CCDC91: variants seen among roughly 807,000 people sequenced by gnomAD.
The protein encoded by CCDC91 is coiled-coil domain containing 91, also known as coiled-coil domain-containing protein 91.
CCDC91 carries 48 observed loss-of-function variants against 63.2 expected under a neutral mutation model. The observed-to-expected ratio is 0.76, with a 90% CI of 0.60 to 0.97. The LOEUF is 0.97. Ranked by LOEUF, CCDC91 falls within the 50% of genes least tolerant of loss-of-function variation. The pLI is 0.00. For synonymous variants in CCDC91, 167 were observed against 165.8 expected, an observed-to-expected ratio of 1.01 and a Z score of -0.06; for missense variants, 500 against 494.6, an observed-to-expected ratio of 1.01 and a Z score of -0.10.
At chr12:28,242,926 G>A (rs751172431) in intron 1 of CCDC91, among the ~76,000 whole-genome samples, 5 of 152,066 alleles carry the variant, frequency 3.3e-5, no homozygotes, top group Non-Finnish European at 7.4e-5. Context: ...CATGTAAGAG[G>A]TGTCTGCTTC....
rs536730711 is a variant in CCDC91, at chr12:28,226,925, C to T, written c.-14-30277C>T. Among the ~76,000 whole-genome samples the T allele has an allele frequency of 2.6e-5, 4 of 152,186 alleles. No homozygotes were observed. The South Asian group carries it at 8.3e-4, about 32-fold the overall frequency. ...CTTAAACTTTACTTGGTTTTGATGA[C>T]CTTGACAGTTTTGAGGAGTATTGGT... On this transcript the variant is annotated intron_variant, in intron 1 of 12. Transcript: ENST00000536442.
chr12:28,435,354 T>A (rs961001458), intron 8 of CCDC91, among the ~76,000 whole-genome samples: 1 of 151,698 alleles, frequency 6.6e-6, no homozygotes, highest in African/African-American at 2.4e-5. Context: ...TTGAGACATG[T>A]TTTTTATCCC....
At chr12:28,319,934 A>G (rs553907587) in intron 6 of CCDC91, among the ~76,000 whole-genome samples, 3 of 151,974 alleles carry the variant, frequency 2.0e-5, no homozygotes, top group African/African-American at 7.2e-5. Flanking sequence ...AGGGCTGACT[A>G]TATTCACTTG....
intron 3 of CCDC91, among the ~76,000 whole-genome samples, chr12:28,280,975 TAA>T (rs1224286280): frequency 2.6e-5 from 4 of 151,638 alleles, no homozygotes; most frequent in Admixed American, 2.0e-4. Flanking sequence ...AGATTCTGTC[TAA>T]AAAAATAAAT....
At chr12:28,221,723 G>A (rs1402713221) in intron 1 of CCDC91, among the ~76,000 whole-genome samples, 3 of 152,228 alleles carry the variant, frequency 2.0e-5, no homozygotes, top group Admixed American at 2.0e-4. Context: ...ACAAATTCTT[G>A]CCAGCTATGT....
At chr12:28,237,272 TA>T (rs1945024173) in intron 1 of CCDC91, among the ~76,000 whole-genome samples, 2 of 30,096 alleles carry the variant, frequency 6.6e-5, no homozygotes, top group Non-Finnish European at 3.1e-4. Context: ...ACACATTTTT[TA>T]AAAAAAGTTG....
intron 7 of CCDC91, among the ~76,000 whole-genome samples, chr12:28,390,359 A>G (rs1485368835): frequency 1.1e-4 from 17 of 151,996 alleles, no homozygotes; most frequent in Admixed American, 1.1e-3. Flanking sequence ...GTCTGTTTCA[A>G]CTTATTATTT....
At chr12:28,296,311 G>A (rs1312326062) in intron 3 of CCDC91, among the ~76,000 whole-genome samples, 1 of 151,758 alleles carries the variant, frequency 6.6e-6, no homozygotes, top group Non-Finnish European at 1.5e-5. Flanking sequence ...GCAGAATTCC[G>A]AAATTTGATT....
At chr12:28,245,168 C>G (rs1007192189) in intron 1 of CCDC91, among the ~76,000 whole-genome samples, 59 of 151,976 alleles carry the variant, frequency 3.9e-4, no homozygotes, top group African/African-American at 1.4e-3. Context: ...TCCTTTTCTG[C>G]TGAAATAATC....
chr12:28,417,551 A>G (rs1270916657), intron 8 of CCDC91, among the ~76,000 whole-genome samples: 1 of 151,410 alleles, frequency 6.6e-6, no homozygotes, highest in African/African-American at 2.4e-5. Context: ...ATTTTTCCCC[A>G]GCTTTATTGA....
At chr12:28,476,288 G>A (rs1951086452) in intron 11 of CCDC91, among the ~76,000 whole-genome samples, 2 of 152,082 alleles carry the variant, frequency 1.3e-5, no homozygotes, top group South Asian at 4.1e-4. Flanking sequence ...AGACCACAGT[G>A]CAATCAAACT....
At chr12:28,377,070 GTAAGGAATCTCTTT>G (rs1944992815) in intron 7 of CCDC91, among the ~76,000 whole-genome samples, 1 of 150,356 alleles carries the variant, frequency 6.7e-6, no homozygotes, top group Non-Finnish European at 1.5e-5. Context: ...TTGCTACTGT[GTAAGGAATCTCTTT>G]TAAGGCAATG....
intron 11 of CCDC91, among the ~76,000 whole-genome samples, chr12:28,474,521 A>G (rs1365451701): frequency 6.6e-6 from 1 of 152,148 alleles, no homozygotes; most frequent in African/African-American, 2.4e-5. Flanking sequence ...AAATGGTTGT[A>G]TTTTAAGCCA....
intron 3 of CCDC91, chr12:28,304,606 T>G: frequency 8.6e-7 from 1 of 1,168,130 alleles, no homozygotes; most frequent in Non-Finnish European, 1.1e-6. Flanking sequence ...TCTAATGGCC[T>G]TATAAATGTC....
At chr12:28,283,259 A>G (rs1948714943) in intron 3 of CCDC91, among the ~76,000 whole-genome samples, 1 of 143,674 alleles carries the variant, frequency 7.0e-6, no homozygotes, top group Non-Finnish European at 1.5e-5. Flanking sequence ...TGATGTTGGT[A>G]TTTTGATAGG....
At chr12:28,304,655 C>A (rs1437107387) in intron 3 of CCDC91, 1 of 1,277,404 alleles carries the variant, frequency 7.8e-7, no homozygotes, top group Admixed American at 2.4e-5. Context: ...TGTGAGCTGC[C>A]TTCCAGAGTT....
intron 12 of CCDC91, among the ~76,000 whole-genome samples, chr12:28,544,733 G>A (rs111612034): frequency 2.6e-5 from 4 of 152,078 alleles, no homozygotes; most frequent in African/African-American, 9.6e-5. Context: ...GTTTGTAATT[G>A]ACTTTGAATG....
intron 12 of CCDC91, among the ~76,000 whole-genome samples, chr12:28,526,978 A>G (rs919084347): frequency 2.0e-5 from 3 of 151,986 alleles, no homozygotes; most frequent in Admixed American, 6.6e-5. Context: ...TATTTATGCT[A>G]TTTATTTCCT....
chr12:28,392,738 A>G (rs115539261), intron 8 of CCDC91, among the ~76,000 whole-genome samples: 1,748 of 152,328 alleles, frequency 0.011, 38 homozygotes, highest in African/African-American at 0.041. Context: ...GAGAAAATCT[A>G]AAAGTTCCAT....
Sources: gnomAD v4.1 joint callset for allele counts (sites outside exome capture counted in the v4.1 genomes callset) on GRCh38, gnomAD v4.1.1 for gene constraint, MANE v1.5 for transcripts, NCBI Gene and HGNC (gene_info 2026-07-23, HGNC 2026-07-21) for gene names.